Variants in GRM8 observed in about 807,000 individuals in gnomAD.
The protein encoded by GRM8 is glutamate metabotropic receptor 8.
In GRM8, 47 loss-of-function variants were observed where a neutral mutation model predicts 87.2. The ratio of observed to expected loss-of-function variants is 0.54; its 90% CI spans 0.43 to 0.69. The LOEUF (loss-of-function observed/expected upper bound fraction) is 0.69, where lower values mean the gene tolerates loss of function less well. Ranked by LOEUF, GRM8 falls within the 30% of genes least tolerant of loss-of-function variation. The probability of loss-of-function intolerance (pLI) is 0.00; values close to 1 mark genes in which losing one functional copy is unlikely to be tolerated. For synonymous variants in GRM8, 396 were observed against 404.5 expected (o/e 0.98, Z 0.25); for missense variants, 1,019 against 1,139.2 (o/e 0.89, Z 1.52).
At chr7:126,525,066 G>A (rs1210149426) in intron 9 of GRM8, among the ~76,000 whole-genome samples, 4 of 152,012 alleles carry the variant, frequency 2.6e-5, no homozygotes, top group South Asian at 2.1e-4. Context: ...ATCCTTAGCT[G>A]TTGATGTAGA....
chr7:126,740,774 A>T (rs1814879400), intron 7 of GRM8, among the ~76,000 whole-genome samples: 1 of 152,156 alleles, frequency 6.6e-6, no homozygotes, highest in Non-Finnish European at 1.5e-5. Context: ...TGTCTTAAAG[A>T]TTCACGTTAT....
intron 6 of GRM8, among the ~76,000 whole-genome samples, chr7:126,821,341 C>G (rs901324186): frequency 6.6e-6 from 1 of 152,124 alleles, no homozygotes; most frequent in Admixed American, 6.5e-5. Flanking sequence ...TACTGCAGTG[C>G]CTTAGGAAAT....
intron 6 of GRM8, among the ~76,000 whole-genome samples, chr7:126,864,236 T>C (rs960455071): frequency 2.0e-5 from 3 of 152,154 alleles, no homozygotes; most frequent in African/African-American, 7.2e-5. Context: ...CACTGTGATG[T>C]TTCTAAGTGG....
chr7:126,776,465 C>T (rs1350423290), intron 6 of GRM8, among the ~76,000 whole-genome samples: 1 of 152,088 alleles, frequency 6.6e-6, no homozygotes, highest in African/African-American at 2.4e-5. Flanking sequence ...GGCATCAAGA[C>T]CTCAATTAAA....
chr7:126,600,679 G>C (rs1490529860), intron 8 of GRM8, among the ~76,000 whole-genome samples: 2 of 152,112 alleles, frequency 1.3e-5, no homozygotes, highest in Non-Finnish European at 2.9e-5. Flanking sequence ...GCTTGGCAAG[G>C]ATGTGGTTAA....
intron 6 of GRM8, among the ~76,000 whole-genome samples, chr7:126,814,198 T>C (rs1793557692): frequency 6.6e-6 from 1 of 152,088 alleles, no homozygotes; most frequent in Admixed American, 6.6e-5. Context: ...TGTAGTATAC[T>C]CAGTTTTATC....
chr7:126,471,877 T>C (rs1805303124), intron 9 of GRM8, among the ~76,000 whole-genome samples: 1 of 152,182 alleles, frequency 6.6e-6, no homozygotes, highest in South Asian at 2.1e-4. Flanking sequence ...TGAACAGTGG[T>C]TTGTAGTTCT....
chr7:127,104,927 T>C (rs928895683), intron 3 of GRM8, among the ~76,000 whole-genome samples: 1 of 152,238 alleles, frequency 6.6e-6, no homozygotes, highest in Admixed American at 6.5e-5. Context: ...TGGCAGATTA[T>C]GTCCTGTTTT....
intron 8 of GRM8, among the ~76,000 whole-genome samples, chr7:126,573,044 A>C (rs917056398): frequency 6.6e-6 from 1 of 152,194 alleles, no homozygotes; most frequent in Non-Finnish European, 1.5e-5. Flanking sequence ...TAAGCGATAG[A>C]CTGAATATAA....
At chr7:126,887,691 A>G (rs537390403) in intron 6 of GRM8, among the ~76,000 whole-genome samples, 1 of 152,206 alleles carries the variant, frequency 6.6e-6, no homozygotes, top group East Asian at 1.9e-4. Flanking sequence ...TTGTTTGCCC[A>G]TCCTCATAAT....
chr7:126,917,893 A>G (rs1804091569), intron 3 of GRM8, among the ~76,000 whole-genome samples: 1 of 152,166 alleles, frequency 6.6e-6, no homozygotes, highest in Non-Finnish European at 1.5e-5. Context: ...AAAAGAGCCT[A>G]TTGCAAGCTA....
chr7:126,502,622 A>C (rs2150702859), intron 9 of GRM8, among the ~76,000 whole-genome samples: 1 of 152,218 alleles, frequency 6.6e-6, no homozygotes, highest in Non-Finnish European at 1.5e-5. Context: ...GTTTTAAAAC[A>C]ATTATATAGT....
intron 2 of GRM8, among the ~76,000 whole-genome samples, chr7:127,206,832 G>T (rs1351227449): frequency 6.6e-6 from 1 of 152,162 alleles, no homozygotes; most frequent in Non-Finnish European, 1.5e-5. Flanking sequence ...GGTTACCTCG[G>T]ACATTCCTAG....
chr7:126,502,470 A>G (rs1196068919), intron 9 of GRM8, among the ~76,000 whole-genome samples: 1 of 152,112 alleles, frequency 6.6e-6, no homozygotes, highest in Non-Finnish European at 1.5e-5. Flanking sequence ...TGTCTGCTAT[A>G]TACAAAAATA....
At chr7:127,041,724 G>C (rs1043438804) in intron 3 of GRM8, among the ~76,000 whole-genome samples, 1 of 152,212 alleles carries the variant, frequency 6.6e-6, no homozygotes, top group Non-Finnish European at 1.5e-5. Flanking sequence ...GGAGAACAAT[G>C]AGAGTGTTCT....
chr7:127,128,839 C>T (rs758796368), intron 2 of GRM8, among the ~76,000 whole-genome samples: 18 of 152,116 alleles, frequency 1.2e-4, no homozygotes, highest in Non-Finnish European at 2.5e-4. Context: ...TTTATATCTA[C>T]CTTCTGAATT....
intron 3 of GRM8, among the ~76,000 whole-genome samples, chr7:127,004,163 T>G (rs1250322405): frequency 1.3e-5 from 2 of 151,700 alleles, no homozygotes; most frequent in East Asian, 3.9e-4. Flanking sequence ...AAAAATATTT[T>G]TATGAAAATT....
intron 2 of GRM8, among the ~76,000 whole-genome samples, chr7:127,204,232 C>T (rs779933711): frequency 2.6e-5 from 4 of 152,184 alleles, no homozygotes; most frequent in African/African-American, 4.8e-5. Flanking sequence ...ACACAGCACA[C>T]GGCTTAACAA....
chr7:126,902,329 A>G (rs569912356), intron 6 of GRM8, among the ~76,000 whole-genome samples: 3 of 152,348 alleles, frequency 2.0e-5, no homozygotes, highest in East Asian at 3.9e-4. Context: ...GTATATGTTC[A>G]ATAAAAACTT....
Sources: gnomAD v4.1 joint callset for allele counts (sites outside exome capture counted in the v4.1 genomes callset) on GRCh38, gnomAD v4.1.1 for gene constraint, MANE v1.5 for transcripts, NCBI Gene and HGNC (gene_info 2026-07-23, HGNC 2026-07-21) for gene names.